ARMH4: variants seen among roughly 807,000 people sequenced by gnomAD.
ARMH4 encodes the protein armadillo like helical domain containing 4.
ARMH4 carries 49 observed loss-of-function variants against 61.9 expected under a neutral mutation model. That is an observed-to-expected ratio of 0.79 (90% CI 0.63 to 1.00). ARMH4 has a LOEUF of 1.00. Ranked by LOEUF, ARMH4 falls within the 50% of genes least tolerant of loss-of-function variation. The pLI is 0.00. For missense variants in ARMH4, 934 were observed against 930.0 expected (o/e 1.00, Z -0.06); for synonymous variants, 368 against 341.5 (o/e 1.08, Z -0.85).
At chr14:58,044,624 TTAAAC>T (rs1883861906) in intron 5 of ARMH4, among the ~76,000 whole-genome samples, 1 of 152,102 alleles carries the variant, frequency 6.6e-6, no homozygotes, top group Admixed American at 6.6e-5. Flanking sequence ...TGGGATCTAA[TTAAAC>T]TAAAGAGCTT....
chr14:58,007,848 C>A (rs1027214097), intron 6 of ARMH4, among the ~76,000 whole-genome samples: 3 of 152,142 alleles, frequency 2.0e-5, no homozygotes, highest in African/African-American at 7.2e-5. Flanking sequence ...TAACCTGAAT[C>A]TAATCATGAG....
intron 5 of ARMH4, among the ~76,000 whole-genome samples, chr14:58,041,549 T>A (rs1282657888): frequency 6.6e-6 from 1 of 151,982 alleles, no homozygotes; most frequent in Non-Finnish European, 1.5e-5. Flanking sequence ...ACAAGCAAAA[T>A]AACCAGCTAA....
rs555770853 is a variant in ARMH4 at position 58,087,073 on chromosome 14, C to T, written c.2089+9651G>A. Among the ~76,000 whole-genome samples the T allele has an allele frequency of 2.6e-3, 397 of 152,308 alleles. 5 individuals are homozygous for T. The highest frequency in any genetic ancestry group is 9.1e-3 in the African/African-American group (380 of 41,572). Reference sequence around the variant, plus strand: ...GATAAAGATATTTTAAGAAATGCTTCTGAACCTTGAACTGTTGGCTCCTCT... The same window carrying T: ...GATAAAGATATTTTAAGAAATGCTTTTGAACCTTGAACTGTTGGCTCCTCT... On this transcript the variant is annotated intron_variant, in intron 5 of 7. Coordinates refer to ENST00000267485, the MANE Select transcript of ARMH4 (RefSeq NM_001001872.4).
In ARMH4 at chr14:58,144,272, G is replaced by A. The variant is rs529229889; in HGVS notation, c.-56-4858C>T. 6.6e-5 allele frequency among the ~76,000 whole-genome samples: 10 copies of A among 152,120 alleles called. No homozygotes were observed. The South Asian group carries it at 1.2e-3, about 19-fold the overall frequency. On this transcript the variant is annotated intron_variant, in intron 1 of 7. Coordinates refer to ENST00000267485, the MANE Select transcript of ARMH4 (RefSeq NM_001001872.4). Reference sequence around the variant, plus strand: ...TATTTGCCTTCCTTAAAACAAAAACGTAATGAAGGGGCCAGGTGCAGTGGC... The same window carrying A: ...TATTTGCCTTCCTTAAAACAAAAACATAATGAAGGGGCCAGGTGCAGTGGC...
Position 58,004,805 on chromosome 14 carries a change from C to G in ARMH4, c.2257-1G>C, listed in dbSNP as rs1566535154. On this transcript the variant is annotated splice_acceptor_variant, in intron 7 of 7. Coordinates refer to ENST00000267485, the MANE Select transcript of ARMH4 (RefSeq NM_001001872.4). LOFTEE classifies it high-confidence loss of function. ...CTTGCATGCTGTTGAATTCTCTCTGCTAGAGAAAGAAAACAGAAAAGCATT... is the reference window on the plus strand; with the variant it reads ...CTTGCATGCTGTTGAATTCTCTCTGGTAGAGAAAGAAAACAGAAAAGCATT... The G allele has an allele frequency of 6.2e-7, 1 of 1,608,320 alleles. No homozygotes were observed. The highest frequency in any genetic ancestry group is 1.7e-5 in the Admixed American group (1 of 59,902).
At position 58,138,190 on chromosome 14, in the gene ARMH4, G is replaced by T; in HGVS notation, c.1169C>A (p.Pro390His). The T allele has an allele frequency of 1.2e-6, 2 of 1,614,180 alleles. No homozygotes were observed. The highest frequency in any genetic ancestry group is 1.7e-6 in the Non-Finnish European group (2 of 1,180,030). The stretch of plus-strand genomic sequence containing the variant: ...AAAGGAACTTTGATCAGTGAAAGCA[G>T]GTGATCTCTCATTCCCATGCGCTAT... ...LLIAHGNERS[P>H]AFTDQSSFTP... The change falls in exon 2 of 8, where the codon CCT (proline) becomes CAT (histidine). Residue 390 changes from proline (P) to histidine (H), a missense_variant. Transcript: ENST00000267485.
chr14:58,147,623 T>G (rs1472823167), intron 1 of ARMH4, among the ~76,000 whole-genome samples: 1 of 152,126 alleles, frequency 6.6e-6, no homozygotes, highest in East Asian at 1.9e-4. Context: ...GGTTTATTCT[T>G]AAGAATAAAA....
intron 5 of ARMH4, among the ~76,000 whole-genome samples, chr14:58,063,140 CG>C (rs1884586287): frequency 6.6e-6 from 1 of 152,240 alleles, no homozygotes; most frequent in South Asian, 2.1e-4. Flanking sequence ...TCCTTAGCTT[CG>C]GGGAACATAA....
chr14:58,123,832 G>A (rs900005398), intron 4 of ARMH4, among the ~76,000 whole-genome samples: 4 of 152,120 alleles, frequency 2.6e-5, no homozygotes, highest in Non-Finnish European at 2.9e-5. Context: ...CTTGTCCTTC[G>A]GTACATGGAT....
chr14:58,014,810 G>C (rs973816118), intron 5 of ARMH4, among the ~76,000 whole-genome samples: 1 of 152,168 alleles, frequency 6.6e-6, no homozygotes, highest in Admixed American at 6.5e-5. Flanking sequence ...ACTAAAGAGT[G>C]AAGAACAGAG....
At chr14:58,010,050 G>A (rs1292971954) in intron 6 of ARMH4, among the ~76,000 whole-genome samples, 1 of 152,146 alleles carries the variant, frequency 6.6e-6, no homozygotes, top group Non-Finnish European at 1.5e-5. Context: ...AAGCTAACCT[G>A]ACAGAGTGTC....
chr14:58,028,818 A>G (rs1297566033), intron 5 of ARMH4, among the ~76,000 whole-genome samples: 2 of 152,208 alleles, frequency 1.3e-5, no homozygotes, highest in Non-Finnish European at 2.9e-5. Context: ...TGTTTGTAGC[A>G]GGATGTAGAA....
intron 5 of ARMH4, among the ~76,000 whole-genome samples, chr14:58,085,932 A>C (rs1885363199): frequency 6.6e-6 from 1 of 152,240 alleles, no homozygotes; most frequent in Non-Finnish European, 1.5e-5. Flanking sequence ...ACATCGTAAT[A>C]ATAATTTTCT....
intron 5 of ARMH4, among the ~76,000 whole-genome samples, chr14:58,018,537 C>T (rs1334471851): frequency 2.6e-5 from 4 of 151,328 alleles, no homozygotes; most frequent in Non-Finnish European, 5.9e-5. Flanking sequence ...AATTAATTTG[C>T]TTATCAGTGA....
rs974393391 is a variant in ARMH4, at chr14:58,123,325, G to A, written c.1831+8187C>T. 3.3e-5 allele frequency among the ~76,000 whole-genome samples: 5 copies of A among 152,046 alleles called. No individual in the cohort carries two copies. In the South Asian group the frequency reaches 6.2e-4, roughly 19 times the overall value. ...CAATATGGATGAGCAAAGAATGCTCGTCCTGTTCAAGTTAAACTAAAGGAT... is the reference window on the plus strand; with the variant it reads ...CAATATGGATGAGCAAAGAATGCTCATCCTGTTCAAGTTAAACTAAAGGAT... On this transcript the variant is annotated intron_variant, in intron 4 of 7. Coordinates refer to ENST00000267485, the MANE Select transcript of ARMH4 (RefSeq NM_001001872.4).
chr14:58,094,272 G>GT (rs1336633638), intron 5 of ARMH4, among the ~76,000 whole-genome samples: 1 of 149,916 alleles, frequency 6.7e-6, no homozygotes, highest in Non-Finnish European at 1.5e-5. Flanking sequence ...AGAATTTGCA[G>GT]TGAGTCGAGA....
chr14:58,049,413 G>A (rs777514737), intron 5 of ARMH4, among the ~76,000 whole-genome samples: 5 of 152,120 alleles, frequency 3.3e-5, no homozygotes, highest in Non-Finnish European at 7.4e-5. Flanking sequence ...TCAGTTTTAT[G>A]CATGATAGTT....
At chr14:58,124,440 T>C (rs1229792120) in intron 4 of ARMH4, among the ~76,000 whole-genome samples, 1 of 152,166 alleles carries the variant, frequency 6.6e-6, no homozygotes, top group Non-Finnish European at 1.5e-5. Flanking sequence ...GTAGCAGTCT[T>C]AGTATCTGAA....
rs1437559359 is a variant in ARMH4 at position 58,129,130 on chromosome 14, G to GCCC, written c.1831+2381_1831+2382insGGG. On this transcript the variant is annotated intron_variant, in intron 4 of 7. Coordinates refer to ENST00000267485, the MANE Select transcript of ARMH4 (RefSeq NM_001001872.4). The stretch of plus-strand genomic sequence containing the variant: ...GTTGTTTTAAGCCACCCAGTTTGTG[G>GCCC]TACTTAGTTATGACAGCCCTTGAAA... Among the ~76,000 whole-genome samples the GCCC allele has an allele frequency of 5.8e-4, 89 of 152,284 alleles. 1 individual carries two copies. The highest frequency in any genetic ancestry group is 3.4e-3 in the Middle Eastern group (1 of 294).
Sources: gnomAD v4.1 joint callset for allele counts (sites outside exome capture counted in the v4.1 genomes callset) on GRCh38, gnomAD v4.1.1 for gene constraint, MANE v1.5 for transcripts, NCBI Gene and HGNC (gene_info 2026-07-23, HGNC 2026-07-21) for gene names.